The following NTF3 variants were observed in gnomAD, a reference collection of about 807,000 sequenced individuals.
The protein encoded by NTF3 is neurotrophin-3.
In NTF3, 8 loss-of-function variants were observed where a neutral mutation model predicts 26.3. The ratio of observed to expected loss-of-function variants is 0.30; its 90% CI spans 0.18 to 0.55. NTF3 has a LOEUF of 0.55. Among genes scored for constraint, NTF3 ranks in the 20% least tolerant of loss-of-function variants. NTF3 has a pLI of 0.93. For synonymous variants in NTF3, 154 were observed against 145.5 expected, an observed-to-expected ratio of 1.06 and a Z score of -0.42; for missense variants, 276 against 352.9, an observed-to-expected ratio of 0.78 and a Z score of 1.75.
In NTF3 at chr12:5,447,450, C is replaced by T. The variant is rs146380317; in HGVS notation, c.18+15108C>T. Among the ~76,000 whole-genome samples the T allele has an allele frequency of 6.8e-3, 1,037 of 152,234 alleles. 12 individuals carry two copies. The highest frequency in any genetic ancestry group is 0.023 in the African/African-American group (975 of 41,538). ...AAAATGTTCTTCAGGCTATTTCTGC[C>T]TTAGAGCTAGGCATCATTACAGCGA... On this transcript the variant is annotated intron_variant, in intron 1 of 1. Coordinates refer to ENST00000423158, the MANE Select transcript of NTF3 (RefSeq NM_001102654.2).
Position 5,473,100 on chromosome 12 carries a change from CCCATAGA to C in NTF3, c.19-21091_19-21085del, listed in dbSNP as rs1940685074. On this transcript the variant is annotated intron_variant, in intron 1 of 1. Transcript: ENST00000423158. ...GTCTTGCTAAAAACATCTCCTCCCA[CCCATAGA>C]CCTGAACTTAAGCCTCAGACTGCTA... Among the ~76,000 whole-genome samples the C allele has an allele frequency of 2.6e-5, 4 of 152,182 alleles. No individual in the cohort carries two copies. The South Asian group carries it at 6.2e-4, about 24-fold the overall frequency.
chr12:5,474,506 C>T (rs1940700167), intron 1 of NTF3, among the ~76,000 whole-genome samples: 1 of 152,082 alleles, frequency 6.6e-6, no homozygotes. Context: ...GGCTGCTGTG[C>T]ACAGGGAGAG....
chr12:5,494,907 C>T lies in NTF3; in HGVS notation c.732C>T (p.Asn244=). Residue 244 remains asparagine (N), a synonymous_variant, in exon 2 of 2, where the codon AAC becomes AAT. Transcript: ENST00000423158. This position sits in a 1 kb window ranked among gnomAD's most constrained non-coding sequence, Gnocchi z 8.3. ...ACGTCCGAGCACTGACTTCAGAGAA[C>T]AATAAACTCGTGGGCTGGCGGTGGA... The part of the protein sequence containing the change: ...QTYVRALTSE[N]NKLVGWRWIR... The T allele has an allele frequency of 6.2e-7, 1 of 1,614,128 alleles. No homozygotes were observed. Among genetic ancestry groups the T allele is most frequent in the South Asian group, 1.1e-5 (1 of 91,070 alleles).
upstream of NTF3, among the ~76,000 whole-genome samples, chr12:5,431,333 G>T (rs2121123431): frequency 6.6e-6 from 1 of 152,284 alleles, no homozygotes; most frequent in East Asian, 1.9e-4. Flanking sequence ...GGTGAAATGG[G>T]AGGCTGCGAT....
intron 1 of NTF3, among the ~76,000 whole-genome samples, chr12:5,455,520 GTAACCCC>G (rs1332454720): frequency 1.5e-5 from 2 of 130,798 alleles, no homozygotes; most frequent in African/African-American, 6.1e-5. Flanking sequence ...TCTGGCCTCT[GTAACCCC>G]TCCCCAACAC....
intron 1 of NTF3, among the ~76,000 whole-genome samples, chr12:5,485,462 T>C (rs1591607179): frequency 6.6e-6 from 1 of 152,230 alleles, no homozygotes; most frequent in South Asian, 2.1e-4. Flanking sequence ...GAAAAAGTAC[T>C]TAATCCTTCT....
At chr12:5,476,168 C>T (rs1174842892) in intron 1 of NTF3, among the ~76,000 whole-genome samples, 1 of 152,164 alleles carries the variant, frequency 6.6e-6, no homozygotes, top group Admixed American at 6.5e-5. Flanking sequence ...TACCGTGCAA[C>T]CATTACCCCA....
At chr12:5,460,037 T>A (rs1266040824) in intron 1 of NTF3, among the ~76,000 whole-genome samples, 2 of 152,196 alleles carry the variant, frequency 1.3e-5, no homozygotes, top group Non-Finnish European at 2.9e-5. Context: ...TAGTCTTCAA[T>A]TTTTAGAACA....
chr12:5,456,974 G>A lies in NTF3; in HGVS notation c.18+24632G>A, dbSNP rs112516362. Among the ~76,000 whole-genome samples the A allele has an allele frequency of 2.0e-3, 304 of 152,240 alleles. 1 individual carries two copies. Among genetic ancestry groups the A allele is most frequent in the Middle Eastern group, 0.01 (3 of 292 alleles). On this transcript the variant is annotated intron_variant, in intron 1 of 1. Coordinates refer to ENST00000423158, the MANE Select transcript of NTF3 (RefSeq NM_001102654.2). This position sits in a 1 kb window ranked among gnomAD's most constrained non-coding sequence, Gnocchi z 4.4. The stretch of plus-strand genomic sequence containing the variant: ...GAACGGCCTCCCATCTCCACTGCCC[G>A]TCCCCAGGTCCACAGGCTCACAGAG...
At position 5,494,634 on chromosome 12, in the gene NTF3, G is replaced by A. The variant is rs148336066; in HGVS notation, c.459G>A (p.Ala153=). The change falls in exon 2 of 2, where the codon GCG becomes GCA. Residue 153 remains alanine (A), a synonymous_variant. Coordinates refer to ENST00000423158, the MANE Select transcript of NTF3 (RefSeq NM_001102654.2). The surrounding 1 kb of genome is among the most constrained non-coding windows in gnomAD (Gnocchi z 8.3). The part of the protein sequence containing the change: ...ANRTSRRKRY[A]EHKSHRGEYS... ...GAACATCACGGCGGAAACGGTACGC[G>A]GAGCATAAGAGTCACCGAGGGGAGT... The A allele has an allele frequency of 1.4e-5, 23 of 1,614,004 alleles. No homozygotes were observed. The highest frequency in any genetic ancestry group is 5.0e-5 in the Admixed American group (3 of 59,996).
chr12:5,438,518 C>T lies in NTF3; in HGVS notation c.18+6176C>T, dbSNP rs1341789074. On this transcript the variant is annotated intron_variant, in intron 1 of 1. Transcript: ENST00000423158. Reference sequence around the variant, plus strand: ...TCGTGTGGTCTGTTGTGATTGCTCACTTTTTAGTAACATCTCCAGAGAAGA... The same window carrying T: ...TCGTGTGGTCTGTTGTGATTGCTCATTTTTTAGTAACATCTCCAGAGAAGA... Among the ~76,000 whole-genome samples the T allele has an allele frequency of 2.0e-5, 3 of 152,194 alleles. No homozygotes were observed. The East Asian group carries it at 5.8e-4, about 29-fold the overall frequency.
intron 1 of NTF3, among the ~76,000 whole-genome samples, chr12:5,451,202 C>T (rs761442004): frequency 1.6e-4 from 24 of 152,174 alleles, no homozygotes; most frequent in Non-Finnish European, 2.6e-4. Context: ...TGGGATTGTA[C>T]CCCTCTGCAT....
chr12:5,481,578 CCACACAGA>C (rs1940799680), intron 1 of NTF3, among the ~76,000 whole-genome samples: 7 of 24,210 alleles, frequency 2.9e-4, no homozygotes, highest in Non-Finnish European at 4.2e-4. Flanking sequence ...CATACATGCA[CCACACAGA>C]ATAACACCAC....
At chr12:5,471,455 A>G (rs1940665816) in intron 1 of NTF3, among the ~76,000 whole-genome samples, 1 of 152,154 alleles carries the variant, frequency 6.6e-6, no homozygotes, top group Non-Finnish European at 1.5e-5. Flanking sequence ...TGACATTGCA[A>G]GAAGATTTTG....
intron 1 of NTF3, among the ~76,000 whole-genome samples, chr12:5,485,015 C>T (rs868713495): frequency 2.0e-5 from 3 of 152,228 alleles, no homozygotes; most frequent in Middle Eastern, 3.2e-3. Context: ...AAATCTGTCC[C>T]ACCTTCAACG....
At chr12:5,470,611 T>A (rs1042184578) in intron 1 of NTF3, among the ~76,000 whole-genome samples, 4 of 152,216 alleles carry the variant, frequency 2.6e-5, no homozygotes, top group African/African-American at 9.6e-5. Context: ...CAGGGGGCCA[T>A]GCCCTCCTCT....
intron 1 of NTF3, among the ~76,000 whole-genome samples, chr12:5,458,662 G>A (rs1940484842): frequency 6.6e-6 from 1 of 152,164 alleles, no homozygotes; most frequent in African/African-American, 2.4e-5. Flanking sequence ...CCCAGAACAG[G>A]TGACTAACCC....
Position 5,433,512 on chromosome 12 carries a change from G to T in NTF3, c.18+1170G>T, listed in dbSNP as rs1940127683. On this transcript the variant is annotated intron_variant, in intron 1 of 1. Coordinates refer to ENST00000423158, the MANE Select transcript of NTF3 (RefSeq NM_001102654.2). This position sits in a 1 kb window ranked among gnomAD's most constrained non-coding sequence, Gnocchi z 4.6. ...ATTCTGCTTGTTGCTCTCCGCGGGA[G>T]TGGGTGCGCGTCCAGGAGGCGCTGC... Among the ~76,000 whole-genome samples, 2 of 151,808 alleles carry T rather than the reference G, an allele frequency of 1.3e-5. No individual in the cohort carries two copies. Among genetic ancestry groups the T allele is most frequent in the Admixed American group, 1.3e-4 (2 of 15,262 alleles).
chr12:5,492,338 T>G (rs1940948294), intron 1 of NTF3, among the ~76,000 whole-genome samples: 1 of 152,234 alleles, frequency 6.6e-6, no homozygotes, highest in Non-Finnish European at 1.5e-5. Flanking sequence ...GGCTGAGCTT[T>G]TGGGAGGTTT....
Sources: allele counts gnomAD v4.1 joint callset (sites outside exome capture counted in the v4.1 genomes callset), GRCh38; gene constraint gnomAD v4.1.1; non-coding constraint Gnocchi (gnomAD v3.1); transcripts MANE v1.5; gene names NCBI Gene and HGNC (gene_info 2026-07-23, HGNC 2026-07-21).